The following ABCA1 variants were observed in gnomAD, a reference collection of about 807,000 sequenced individuals.
ABCA1 encodes phospholipid-transporting ATPase ABCA1.
A neutral mutation model predicts 262.5 loss-of-function variants in ABCA1; 133 were observed. The ratio of observed to expected loss-of-function variants is 0.51; its 90% confidence interval spans 0.44 to 0.59. The LOEUF (loss-of-function observed/expected upper bound fraction) is 0.59. Ranked by LOEUF, ABCA1 falls within the 20% of genes least tolerant of loss-of-function variation. ABCA1 has a pLI of 0.00. For missense variants in ABCA1, 2,452 were observed against 2,777.5 expected (o/e 0.88, Z 2.63); for synonymous variants, 1,022 against 1,043.5 (o/e 0.98, Z 0.40).
intron 31 of ABCA1, 96 bp from the exon 32 acceptor site, chr9:104,804,816 A>T (rs927036786): frequency 9.2e-7 from 1 of 1,081,726 alleles, no homozygotes; most frequent in Non-Finnish European, 1.4e-6. Context: ...CCACAGTGTG[A>T]CCGGAAACCT....
intron 47 of ABCA1, 152 bp downstream of exon 47, chr9:104,786,721 G>A: frequency 2.6e-6 from 2 of 772,278 alleles, no homozygotes; most frequent in Non-Finnish European, 2.2e-6. Context: ...TACTGGGCTT[G>A]CATTTTTGTA....
chr9:104,919,720 C>T (rs1842038123), intron 1 of ABCA1, among the ~76,000 whole-genome samples: 1 of 152,194 alleles, frequency 6.6e-6, no homozygotes, highest in Non-Finnish European at 1.5e-5. Context: ...CAGTATCTCA[C>T]TAAATCATGT....
intron 7 of ABCA1, among the ~76,000 whole-genome samples, chr9:104,854,289 G>A (rs982291348): frequency 6.6e-6 from 1 of 152,140 alleles, no homozygotes; most frequent in Non-Finnish European, 1.5e-5. Flanking sequence ...TTCATCTTCA[G>A]AGCCCCCCCA....
intron 5 of ABCA1, among the ~76,000 whole-genome samples, chr9:104,873,413 G>T (rs1240584396): frequency 6.6e-6 from 1 of 152,154 alleles, no homozygotes; most frequent in Non-Finnish European, 1.5e-5. Flanking sequence ...GATGGGCCTT[G>T]GGAAACATTC....
At chr9:104,820,397 C>T (rs997934342) in intron 20 of ABCA1, among the ~76,000 whole-genome samples, 3 of 152,144 alleles carry the variant, frequency 2.0e-5, no homozygotes, top group Admixed American at 6.5e-5. Context: ...CACAGCACGT[C>T]CACCAAGAAG....
At position 104,800,047 on chromosome 9, in the gene ABCA1, G is replaced by A. The variant is rs764067972; in HGVS notation, c.4774-59C>T. The A allele has an allele frequency of 1.2e-5, 19 of 1,594,442 alleles. No homozygotes were observed. The Middle Eastern group carries it at 5.6e-4, about 47-fold the overall frequency. On this transcript the variant is annotated intron_variant, in intron 35 of 49. Coordinates refer to ENST00000374736, the MANE Select transcript of ABCA1 (RefSeq NM_005502.4). ...CCCCAAACCGGGCTCCTGCAGGCAG[G>A]TGCATACCCACCAACCATGCCCATA...
At chr9:104,788,277 AC>A in intron 45 of ABCA1, 148 bp downstream of exon 45, 1 of 1,211,838 alleles carries the variant, frequency 8.3e-7, no homozygotes, top group South Asian at 1.2e-5. Flanking sequence ...ACAGGTTTCC[AC>A]CCTGAAAGCA....
At chr9:104,884,166 T>C (rs983250786) in intron 4 of ABCA1, among the ~76,000 whole-genome samples, 8 of 152,096 alleles carry the variant, frequency 5.3e-5, no homozygotes, top group Non-Finnish European at 1.0e-4. Flanking sequence ...TAACAACATA[T>C]AGTATATTCC....
At position 104,812,962 on chromosome 9, in the gene ABCA1, T is replaced by A. The variant is rs531280561; in HGVS notation, c.3902-240A>T. ...CTGATAAGTACAGAAAAGAAAGGTG[T>A]CTTGAGACAACTGAAAAGAGGTGTT... On this transcript the variant is annotated intron_variant, in intron 27 of 49. Transcript: ENST00000374736. Among the ~76,000 whole-genome samples, 12 of 152,334 alleles carry A rather than the reference T, an allele frequency of 7.9e-5. No individual in the cohort carries two copies. In the South Asian group the frequency reaches 2.3e-3, roughly 29 times the overall value.
chr9:104,894,466 G>A (rs1840031550), intron 2 of ABCA1, among the ~76,000 whole-genome samples: 1 of 152,064 alleles, frequency 6.6e-6, no homozygotes, highest in African/African-American at 2.4e-5. Flanking sequence ...AATAATGAAA[G>A]GTCTTACTAT....
chr9:104,911,891 A>C (rs1841519387), intron 1 of ABCA1, among the ~76,000 whole-genome samples: 1 of 152,222 alleles, frequency 6.6e-6, no homozygotes, highest in East Asian at 1.9e-4. Flanking sequence ...TTCCAGAGGA[A>C]TTCTATCATT....
intron 44 of ABCA1, among the ~76,000 whole-genome samples, chr9:104,789,216 G>A (rs571153652): frequency 2.6e-4 from 40 of 152,282 alleles, no homozygotes; most frequent in African/African-American, 9.1e-4. Context: ...TAGGATTGAG[G>A]CACACGTGGA....
At chr9:104,841,010 T>G (rs1378311368) in intron 8 of ABCA1, among the ~76,000 whole-genome samples, 1 of 152,182 alleles carries the variant, frequency 6.6e-6, no homozygotes, top group African/African-American at 2.4e-5. Context: ...CTGACTCATT[T>G]CTAAAACTCC....
chr9:104,924,959 TG>T (rs1235555789), intron 1 of ABCA1, among the ~76,000 whole-genome samples: 15 of 152,270 alleles, frequency 9.9e-5, no homozygotes, highest in African/African-American at 3.6e-4. Flanking sequence ...CATTTTTTTA[TG>T]TTTACAATGG....
rs1370995571 is a variant in ABCA1, at chr9:104,814,033, G to A, written c.3901+85C>T. ...GTAGGGATCTATCACCTTGGCTAAA[G>A]GCCATCCAAAGAAAACAGGTGAGAG... On this transcript the variant is annotated intron_variant, in intron 27 of 49. Transcript: ENST00000374736. 2.9e-6 allele frequency: 4 copies of A among 1,393,170 alleles called. No homozygotes were observed. The African/African-American group carries it at 4.2e-5, about 15-fold the overall frequency. 86.3% of individuals were successfully genotyped at this position (1,393,170 alleles called of 1,614,324 possible). A position where few individuals can be genotyped will look rare whatever the true frequency, so the allele number is the denominator to read the frequency against.
At chr9:104,878,977 A>G (rs1357699211) in intron 5 of ABCA1, among the ~76,000 whole-genome samples, 1 of 152,146 alleles carries the variant, frequency 6.6e-6, no homozygotes, top group Non-Finnish European at 1.5e-5. Flanking sequence ...TAGTGTCTAC[A>G]GAATCAAGAA....
At chr9:104,839,904 C>A (rs1393750081) in intron 9 of ABCA1, among the ~76,000 whole-genome samples, 1 of 152,232 alleles carries the variant, frequency 6.6e-6, no homozygotes, top group Non-Finnish European at 1.5e-5. Flanking sequence ...GTGAAACTGA[C>A]ACTTTCTACC....
rs1167551876 is a variant in ABCA1 at position 104,783,810 on chromosome 9, T to G, written c.*505A>C. The stretch of plus-strand genomic sequence containing the variant: ...TGGTGCTTCAAACTTTCTGAAAAAC[T>G]TGGCACTAATAACTCTGGCACACTC... On this transcript the variant is annotated 3_prime_UTR_variant, in exon 50 of 50. Transcript: ENST00000374736. The G allele has an allele frequency of 6.1e-6, 1 of 163,676 alleles. No individual in the cohort carries two copies. The highest frequency in any genetic ancestry group is 1.3e-5 in the Non-Finnish European group (1 of 74,530). 10.1% of individuals were successfully genotyped at this position (163,676 alleles called of 1,614,324 possible).
chr9:104,855,773 G>A lies in ABCA1; in HGVS notation c.720+2749C>T, dbSNP rs902094457. On this transcript the variant is annotated intron_variant, in intron 7 of 49. Transcript: ENST00000374736. Reference sequence around the variant, plus strand: ...AATGCAATATTCAAACCCAGACCCAGCTGACCCTCCCACACTGCCATACTT... The same window carrying A: ...AATGCAATATTCAAACCCAGACCCAACTGACCCTCCCACACTGCCATACTT... The A allele has an allele frequency of 1.9e-6, 3 of 1,561,530 alleles. No individual in the cohort carries two copies. The African/African-American group carries it at 4.1e-5, about 21-fold the overall frequency.
Sources: allele counts gnomAD v4.1 joint callset (sites outside exome capture counted in the v4.1 genomes callset), GRCh38; gene constraint gnomAD v4.1.1; transcripts MANE v1.5; gene names NCBI Gene and HGNC (gene_info 2026-07-23, HGNC 2026-07-21).